The following STRIP2 variants were observed in gnomAD, a reference collection of about 807,000 sequenced individuals.
STRIP2 encodes the protein striatin interacting protein 2.
A neutral mutation model predicts 107.1 loss-of-function variants in STRIP2; 84 were observed. The ratio of observed to expected loss-of-function variants is 0.78; its 90% confidence interval spans 0.66 to 0.94. The LOEUF (loss-of-function observed/expected upper bound fraction) is 0.94. Ranked by LOEUF, STRIP2 falls within the 40% of genes least tolerant of loss-of-function variation. The pLI is 0.00. For missense variants in STRIP2, 888 were observed against 1,034.2 expected (o/e 0.86, Z 1.94); for synonymous variants, 394 against 400.4 (o/e 0.98, Z 0.19).
chr7:129,469,664 C>T (rs1200997062), intron 17 of STRIP2, among the ~76,000 whole-genome samples: 2 of 152,250 alleles, frequency 1.3e-5, no homozygotes, highest in Non-Finnish European at 2.9e-5. Context: ...GCTGACCCTT[C>T]TCCTCTCCTA....
rs962344258 is a variant in STRIP2 at position 129,486,036 on chromosome 7, A to G, written c.*207A>G. ...GTTGGGTGCCCAGTTGGCCTTGGAA[A>G]TCTTTTGGTGGATCAATTCTAGACA... On this transcript the variant is annotated 3_prime_UTR_variant, in exon 21 of 21. Coordinates refer to ENST00000249344, the MANE Select transcript of STRIP2 (RefSeq NM_020704.3). The G allele has an allele frequency of 1.1e-5, 6 of 559,172 alleles. No homozygotes were observed. The highest frequency in any genetic ancestry group is 9.4e-5 in the African/African-American group (5 of 53,116). 34.6% of individuals were successfully genotyped at this position (559,172 alleles called of 1,614,324 possible).
At chr7:129,473,015 G>A (rs1201795660) in intron 18 of STRIP2, among the ~76,000 whole-genome samples, 2 of 151,640 alleles carry the variant, frequency 1.3e-5, no homozygotes, top group Admixed American at 1.3e-4. Flanking sequence ...TCGAACTCCT[G>A]GTCTCAGATG....
intron 1 of STRIP2, among the ~76,000 whole-genome samples, chr7:129,436,175 C>T (rs1213954820): frequency 6.6e-6 from 1 of 152,124 alleles, no homozygotes; most frequent in Non-Finnish European, 1.5e-5. Context: ...AATTATTTAT[C>T]GAGGACTTTC....
In STRIP2 at chr7:129,458,408, G is replaced by A. The variant is rs374691340; in HGVS notation, c.1232G>A (p.Arg411Gln). The A allele has an allele frequency of 3.1e-5, 50 of 1,610,912 alleles. No homozygotes were observed. The highest frequency in any genetic ancestry group is 1.7e-4 in the Middle Eastern group (1 of 5,872). The change falls in exon 10 of 21, where the codon CGG becomes CAG. Residue 411 changes from arginine (R) to glutamine (Q), a missense_variant. Arg to Gln is a conservative substitution (Grantham distance 43, BLOSUM62 1). Transcript: ENST00000249344. This position sits in a 1 kb window ranked among gnomAD's most constrained non-coding sequence, Gnocchi z 4.6. ...PPSQAPLSAERVAFPKGLPWA... is the reference protein window; with the variant it reads ...PPSQAPLSAEQVAFPKGLPWA... ...TCACAGGCACCCCTCTCTGCTGAGC[G>A]GGTGGCTTTTCCCAAGGGCCTGCCC...
At chr7:129,476,625 G>A (rs1360788329) in intron 18 of STRIP2, among the ~76,000 whole-genome samples, 1 of 151,630 alleles carries the variant, frequency 6.6e-6, no homozygotes, top group Non-Finnish European at 1.5e-5. Context: ...TGGGCGGCCG[G>A]GCAGAGACGC....
At chr7:129,438,006 C>T (rs1351779164) in intron 1 of STRIP2, among the ~76,000 whole-genome samples, 5 of 152,106 alleles carry the variant, frequency 3.3e-5, no homozygotes, top group Non-Finnish European at 7.4e-5. Context: ...GGGGTTTCAC[C>T]GTGTTAGCCA....
Position 129,456,564 on chromosome 7 carries a change from C to T in STRIP2, c.960C>T (p.Pro320=). The T allele has an allele frequency of 1.9e-6, 3 of 1,614,142 alleles. No individual in the cohort carries two copies. Among genetic ancestry groups the T allele is most frequent in the Non-Finnish European group, 2.5e-6 (3 of 1,180,022 alleles). Residue 320 remains proline (P), a synonymous_variant, in exon 9 of 21, where the codon CCC becomes CCT. Transcript: ENST00000249344. ...AGAGCATGCGTGCTGCCTCCCCGCC[C>T]TCTTACACTCTTGACCTGGGAGAGT... ...VVKSMRAASP[P]SYTLDLGESQ... is the part of the protein sequence containing the mutation.
chr7:129,463,955 C>T (rs1474791972), intron 14 of STRIP2, 89 bp from the exon 15 acceptor site: 1 of 1,011,750 alleles, frequency 9.9e-7, no homozygotes, highest in Non-Finnish European at 1.5e-6. Flanking sequence ...CTTTAAAACA[C>T]TTTTTATAGG....
In STRIP2 at chr7:129,461,640, A is replaced by C. The variant is rs1798539889; in HGVS notation, c.1476+1268A>C. ...CATTATGGTAAGAACCAAGGTGCCC[A>C]TTGGATTTGGCAACATGAAGATAGT... On this transcript the variant is annotated intron_variant, in intron 13 of 20. Coordinates refer to ENST00000249344, the MANE Select transcript of STRIP2 (RefSeq NM_020704.3). The surrounding 1 kb of genome is among the most constrained non-coding windows in gnomAD (Gnocchi z 4.0). Among the ~76,000 whole-genome samples the C allele has an allele frequency of 6.6e-6, 1 of 152,236 alleles. No individual in the cohort carries two copies.
intron 18 of STRIP2, among the ~76,000 whole-genome samples, chr7:129,472,743 C>CTATTTGAA (rs1217967887): frequency 7.9e-6 from 1 of 126,290 alleles, no homozygotes; most frequent in Non-Finnish European, 1.6e-5. Context: ...AATGTACTGG[C>CTATTTGAA]TATTTGAATA....
chr7:129,455,329 C>A lies in STRIP2; in HGVS notation c.792C>A (p.Phe264Leu). ...TCTGCAGTGGCCTGGCTCCTCACTT[C>A]CCCATAAAGAAGGTCCTGCTCCTGC... ...TKFCSGLAPH[F>L]PIKKVLLLLW... Residue 264 changes from phenylalanine to leucine, a missense_variant, in exon 8 of 21, where the codon TTC (phenylalanine) becomes TTA (leucine). By Grantham distance (22) the Phe-to-Leu change is conservative (BLOSUM62 0). Transcript: ENST00000249344. The A allele has an allele frequency of 6.2e-7, 1 of 1,613,926 alleles. No homozygotes were observed. Among genetic ancestry groups the A allele is most frequent in the Non-Finnish European group, 8.5e-7 (1 of 1,179,908 alleles).
In STRIP2 at chr7:129,485,753, A is replaced by T; in HGVS notation, c.2429A>T (p.Tyr810Phe). ...TTGGATCTGCCTGAAGATTTCCACTATTCATATGAGCTCTGGCTCGAGAGA... is the reference window on the plus strand; with the variant it reads ...TTGGATCTGCCTGAAGATTTCCACTTTTCATATGAGCTCTGGCTCGAGAGA... ...QRLDLPEDFH[Y>F]SYELWLEREV... Residue 810 changes from tyrosine (Y) to phenylalanine (F), a missense_variant, in exon 21 of 21, where the codon TAT (tyrosine) becomes TTT (phenylalanine). By Grantham distance (22) the Tyr-to-Phe change is conservative. Coordinates refer to ENST00000249344, the MANE Select transcript of STRIP2 (RefSeq NM_020704.3). 1.2e-6 allele frequency: 2 copies of T among 1,614,166 alleles called. No homozygotes were observed. Among genetic ancestry groups the T allele is most frequent in the Non-Finnish European group, 1.7e-6 (2 of 1,180,022 alleles).
intron 7 of STRIP2, among the ~76,000 whole-genome samples, chr7:129,454,787 C>A (rs1008009570): frequency 6.6e-6 from 1 of 152,158 alleles, no homozygotes; most frequent in Non-Finnish European, 1.5e-5. Flanking sequence ...ATAGCCATTC[C>A]TCTCCCACTC....
chr7:129,434,766 C>G (rs1051383020), intron 1 of STRIP2, among the ~76,000 whole-genome samples, 165 bp downstream of exon 1: 2 of 152,254 alleles, frequency 1.3e-5, no homozygotes, highest in African/African-American at 4.8e-5. Context: ...CTCTTTGGCC[C>G]GGACCAGTGT....
intron 3 of STRIP2, among the ~76,000 whole-genome samples, chr7:129,450,035 G>A (rs1798140711): frequency 6.6e-6 from 1 of 152,186 alleles, no homozygotes; most frequent in Non-Finnish European, 1.5e-5. Flanking sequence ...AATCAGGAAT[G>A]TCAAATGCAT....
Position 129,482,772 on chromosome 7 carries a change from T to G in STRIP2, c.2050-70T>G, listed in dbSNP as rs945834052. On this transcript the variant is annotated intron_variant, in intron 19 of 20. Coordinates refer to ENST00000249344, the MANE Select transcript of STRIP2 (RefSeq NM_020704.3). Reference sequence around the variant, plus strand: ...ATTTCTGAGGCTAGCTAGGTTTGGTTTAATTTGTCTGTAAACTGGAAATTC... The same window carrying G: ...ATTTCTGAGGCTAGCTAGGTTTGGTGTAATTTGTCTGTAAACTGGAAATTC... 4 of 1,584,948 alleles carry G rather than the reference T, an allele frequency of 2.5e-6. No individual in the cohort carries two copies. The Admixed American group carries it at 6.8e-5, about 27-fold the overall frequency.
At chr7:129,481,749 T>C (rs878981911) in intron 19 of STRIP2, among the ~76,000 whole-genome samples, 1 of 151,678 alleles carries the variant, frequency 6.6e-6, no homozygotes, top group African/African-American at 2.4e-5. Context: ...CCATCTCTAT[T>C]AAAAAAAGTA....
intron 1 of STRIP2, among the ~76,000 whole-genome samples, chr7:129,438,245 GA>G (rs1797802466): frequency 6.6e-6 from 1 of 151,838 alleles, no homozygotes; most frequent in South Asian, 2.1e-4. Flanking sequence ...CCTAAATATA[GA>G]AAAAAGTGTA....
intron 18 of STRIP2, among the ~76,000 whole-genome samples, chr7:129,475,609 C>A (rs1343828230): frequency 4.5e-5 from 6 of 133,350 alleles, no homozygotes; most frequent in African/African-American, 1.7e-4. Flanking sequence ...GTGTTTCTCG[C>A]ATAGGGGGAT....
Sources: allele counts gnomAD v4.1 joint callset (sites outside exome capture counted in the v4.1 genomes callset), GRCh38; gene constraint gnomAD v4.1.1; non-coding constraint Gnocchi (gnomAD v3.1); transcripts MANE v1.5; gene names NCBI Gene and HGNC (gene_info 2026-07-23, HGNC 2026-07-21).